The following SLIT3 variants were observed in gnomAD, a reference collection of about 807,000 sequenced individuals.
SLIT3 encodes slit homolog 3 protein.
A neutral mutation model predicts 184.0 loss-of-function variants in SLIT3; 68 were observed. The ratio of observed to expected loss-of-function variants is 0.37; its 90% CI spans 0.30 to 0.45. The LOEUF (loss-of-function observed/expected upper bound fraction) is 0.45, where lower values mean the gene tolerates loss of function less well. Among genes scored for constraint, SLIT3 ranks in the 20% least tolerant of loss-of-function variants. The pLI, the probability that SLIT3 is intolerant of heterozygous loss-of-function variation, is 1.00. For synonymous variants in SLIT3, 831 were observed against 828.6 expected (o/e 1.00, Z -0.05); for missense variants, 1,707 against 2,026.0 (o/e 0.84, Z 3.02).
intron 4 of SLIT3, among the ~76,000 whole-genome samples, chr5:168,952,550 A>AAAAAAAAAAAAAAAAAAAAAAG (rs59047961): frequency 7.8e-6 from 1 of 128,042 alleles, no homozygotes; most frequent in African/African-American, 3.5e-5. Flanking sequence ...AAAAAAAAAG[A>AAAAAAAAAAAAAAAAAAAAAAG]GGGGAGAAGG....
chr5:168,671,873 G>A (rs1403905162), intron 33 of SLIT3, among the ~76,000 whole-genome samples: 1 of 152,078 alleles, frequency 6.6e-6, no homozygotes, highest in Non-Finnish European at 1.5e-5. Context: ...AGGCTCCTCA[G>A]CCCTTTGATC....
chr5:169,126,822 T>C (rs756015096), intron 4 of SLIT3, among the ~76,000 whole-genome samples: 2 of 152,206 alleles, frequency 1.3e-5, no homozygotes, highest in Admixed American at 6.5e-5. Context: ...AGGCCACAGA[T>C]GGGGATCACT....
intron 4 of SLIT3, among the ~76,000 whole-genome samples, chr5:169,043,399 T>C (rs1429244547): frequency 6.6e-6 from 1 of 152,230 alleles, no homozygotes; most frequent in Non-Finnish European, 1.5e-5. Context: ...GTTGGTAGTT[T>C]CACTGTTTGA....
chr5:168,952,866 T>A (rs1762706554), intron 4 of SLIT3, among the ~76,000 whole-genome samples: 1 of 152,122 alleles, frequency 6.6e-6, no homozygotes, highest in African/African-American at 2.4e-5. Flanking sequence ...TGGGCTCAAC[T>A]CTGAATACAG....
intron 4 of SLIT3, among the ~76,000 whole-genome samples, chr5:169,174,149 C>T (rs2113423956): frequency 6.6e-6 from 1 of 152,308 alleles, no homozygotes; most frequent in African/African-American, 2.4e-5. Flanking sequence ...AAGACAAGAC[C>T]TAGTGGGCTC....
At chr5:168,842,497 T>A (rs1758303380) in intron 6 of SLIT3, among the ~76,000 whole-genome samples, 1 of 136,158 alleles carries the variant, frequency 7.3e-6, no homozygotes, top group African/African-American at 2.7e-5. Context: ...TGTATCTGAG[T>A]AGAGGAGAGC....
At chr5:169,221,984 T>A (rs1764632884) in intron 3 of SLIT3, among the ~76,000 whole-genome samples, 2 of 151,770 alleles carry the variant, frequency 1.3e-5, no homozygotes, top group Admixed American at 1.3e-4. Context: ...AAAAGTCCAT[T>A]ATGGCTTGGC....
chr5:168,882,305 G>A (rs148012720), intron 5 of SLIT3, among the ~76,000 whole-genome samples: 313 of 152,236 alleles, frequency 2.1e-3, no homozygotes, highest in Non-Finnish European at 3.2e-3. Context: ...CCGACCCCGT[G>A]GGCACAAAGG....
intron 4 of SLIT3, among the ~76,000 whole-genome samples, chr5:168,960,369 C>A (rs1197238874): frequency 6.6e-6 from 1 of 152,190 alleles, no homozygotes; most frequent in Non-Finnish European, 1.5e-5. Context: ...GTATTAAATG[C>A]CTACTATATG....
intron 16 of SLIT3, among the ~76,000 whole-genome samples, chr5:168,757,636 C>T (rs967659046): frequency 4.0e-4 from 61 of 152,242 alleles, no homozygotes; most frequent in African/African-American, 1.3e-3. Flanking sequence ...GGGGTTTCAC[C>T]GTGTTAGTCA....
chr5:169,009,411 A>G (rs1423716248), intron 4 of SLIT3, among the ~76,000 whole-genome samples: 2 of 152,206 alleles, frequency 1.3e-5, no homozygotes, highest in Admixed American at 1.3e-4. Context: ...CTGTTTGCAA[A>G]CAGGCTCTTC....
At chr5:168,713,980 C>T (rs1762640047) in intron 23 of SLIT3, among the ~76,000 whole-genome samples, 1 of 152,198 alleles carries the variant, frequency 6.6e-6, no homozygotes, top group Non-Finnish European at 1.5e-5. Context: ...TCTTTCTCCT[C>T]TTAGTTACCC....
chr5:168,897,936 C>T (rs1231405730), intron 4 of SLIT3, among the ~76,000 whole-genome samples: 1 of 152,138 alleles, frequency 6.6e-6, no homozygotes, highest in Non-Finnish European at 1.5e-5. Context: ...AGCTCCAGAA[C>T]AGGGGAAGGT....
At chr5:168,774,502 G>T in intron 12 of SLIT3, 124 bp from the exon 13 acceptor site, 1 of 1,035,332 alleles carries the variant, frequency 9.7e-7, no homozygotes, top group Non-Finnish European at 1.4e-6. Flanking sequence ...TTGAGCTCCT[G>T]CTGCAGAACA....
intron 16 of SLIT3, among the ~76,000 whole-genome samples, chr5:168,759,592 T>C (rs1755069505): frequency 6.6e-6 from 1 of 152,086 alleles, no homozygotes; most frequent in South Asian, 2.1e-4. Context: ...AAAAGGACAC[T>C]GGTTTACAGC....
intron 23 of SLIT3, among the ~76,000 whole-genome samples, chr5:168,721,312 G>C (rs1762934194): frequency 6.6e-6 from 1 of 152,150 alleles, no homozygotes; most frequent in Middle Eastern, 3.2e-3. Flanking sequence ...TGGGGGTGGT[G>C]GTGGGGTGCC....
At chr5:169,181,582 A>T (rs566021519) in intron 4 of SLIT3, among the ~76,000 whole-genome samples, 4 of 152,042 alleles carry the variant, frequency 2.6e-5, no homozygotes, top group African/African-American at 9.7e-5. Flanking sequence ...TCTACTAAAA[A>T]TACAAAAAAT....
chr5:169,099,990 G>T (rs560909610), intron 4 of SLIT3, among the ~76,000 whole-genome samples: 1 of 152,350 alleles, frequency 6.6e-6, no homozygotes, highest in East Asian at 1.9e-4. Context: ...CTGGGGAGCA[G>T]ATGTCAGAGA....
chr5:169,015,981 CACACA>C (rs1561608868), intron 4 of SLIT3, among the ~76,000 whole-genome samples: 3 of 92,562 alleles, frequency 3.2e-5, no homozygotes, highest in Non-Finnish European at 7.0e-5. Context: ...CACACACACA[CACACA>C]ACTTTCTGTC....
Sources: gnomAD v4.1 joint callset for allele counts (sites outside exome capture counted in the v4.1 genomes callset) on GRCh38, gnomAD v4.1.1 for gene constraint, MANE v1.5 for transcripts, NCBI Gene and HGNC (gene_info 2026-07-23, HGNC 2026-07-21) for gene names.